KCNQ5: variants seen among roughly 807,000 people sequenced by gnomAD.
The protein encoded by KCNQ5 is potassium voltage-gated channel subfamily KQT member 5.
KCNQ5 carries 30 observed loss-of-function variants against 98.2 expected under a neutral mutation model. That is an observed-to-expected ratio of 0.31 (90% CI 0.23 to 0.41). The LOEUF is 0.41. Ranked by LOEUF, KCNQ5 falls within the 10% of genes least tolerant of loss-of-function variation. The pLI is 1.00. For missense variants in KCNQ5, 835 were observed against 1,182.5 expected (o/e 0.71, Z 4.31); for synonymous variants, 458 against 449.4 (o/e 1.02, Z -0.24).
chr6:72,707,887 A>T (rs1031903480), intron 1 of KCNQ5, among the ~76,000 whole-genome samples: 2 of 152,002 alleles, frequency 1.3e-5, no homozygotes, highest in Non-Finnish European at 2.9e-5. Flanking sequence ...TAATTTTTTT[A>T]TTTTGCAGGC....
chr6:72,986,865 G>T, intron 1 of KCNQ5: 2 of 932,932 alleles, frequency 2.1e-6, no homozygotes, highest in South Asian at 1.4e-5. Flanking sequence ...CAGAACCCTT[G>T]GTTCTGCGAG....
intron 1 of KCNQ5, among the ~76,000 whole-genome samples, chr6:72,922,590 C>G (rs1444571584): frequency 6.6e-6 from 1 of 152,030 alleles, no homozygotes; most frequent in African/African-American, 2.4e-5. Flanking sequence ...CCCTAGTAAC[C>G]ACAATTCTAC....
intron 1 of KCNQ5, among the ~76,000 whole-genome samples, chr6:72,682,614 C>T (rs1767761144): frequency 6.6e-6 from 1 of 152,166 alleles, no homozygotes; most frequent in Admixed American, 6.5e-5. Flanking sequence ...CCTCAAAGTA[C>T]TCCTCTTATA....
intron 11 of KCNQ5, among the ~76,000 whole-genome samples, chr6:73,189,510 TA>T (rs1264496895): frequency 6.6e-6 from 1 of 152,352 alleles, no homozygotes; most frequent in East Asian, 1.9e-4. Flanking sequence ...CATTTGTTCC[TA>T]ATCTTCCCAC....
intron 10 of KCNQ5, chr6:73,134,967 G>C (rs913545349): frequency 2.0e-4 from 31 of 152,264 alleles, no homozygotes; most frequent in Admixed American, 8.5e-4. Flanking sequence ...AGAGTTACCA[G>C]TGACAGGGCT....
At chr6:73,042,606 A>G (rs1771763762) in intron 3 of KCNQ5, among the ~76,000 whole-genome samples, 1 of 152,142 alleles carries the variant, frequency 6.6e-6, no homozygotes, top group African/African-American at 2.4e-5. Flanking sequence ...TGCATTGGTA[A>G]CTGTAGACTG....
At chr6:72,888,639 G>T (rs913556081) in intron 1 of KCNQ5, among the ~76,000 whole-genome samples, 5 of 152,108 alleles carry the variant, frequency 3.3e-5, no homozygotes, top group African/African-American at 1.2e-4. Flanking sequence ...TAGTGACAAC[G>T]ACTGTAAAAC....
chr6:72,677,449 C>T (rs1328778404), intron 1 of KCNQ5, among the ~76,000 whole-genome samples: 1 of 152,134 alleles, frequency 6.6e-6, no homozygotes, highest in East Asian at 1.9e-4. Flanking sequence ...ATACCATGAA[C>T]TTTTCTAAGT....
At chr6:72,904,861 C>A (rs1407982728) in intron 1 of KCNQ5, among the ~76,000 whole-genome samples, 2 of 152,176 alleles carry the variant, frequency 1.3e-5, no homozygotes, top group Non-Finnish European at 2.9e-5. Flanking sequence ...AGGCAATGAT[C>A]TTTTTGTGAT....
rs183190281 is a variant in KCNQ5 at position 73,172,261 on chromosome 6, A to G, written c.1577+2407A>G. ...TTCATCACTTCTAAATTCCATTTCA[A>G]ATTAACAGATTGTGTCGCTTGAACC... On this transcript the variant is annotated intron_variant, in intron 11 of 13. Transcript: ENST00000370398. 4.4e-3 allele frequency among the ~76,000 whole-genome samples: 669 copies of G among 152,226 alleles called. 4 individuals are homozygous for G. Among genetic ancestry groups the G allele is most frequent in the Middle Eastern group, 6.8e-3 (2 of 294 alleles).
chr6:72,646,516 GA>G (rs139425861), intron 1 of KCNQ5, among the ~76,000 whole-genome samples: 55 of 151,810 alleles, frequency 3.6e-4, no homozygotes, highest in Admixed American at 2.6e-4. Context: ...GGATTTGGGG[GA>G]AAAAAAAGCA....
chr6:72,836,460 G>T (rs1425223961), intron 1 of KCNQ5, among the ~76,000 whole-genome samples: 13 of 152,112 alleles, frequency 8.5e-5, no homozygotes, highest in African/African-American at 3.1e-4. Flanking sequence ...ATATATTTGA[G>T]ACAGGGTCAC....
chr6:72,766,542 T>G (rs10805966), intron 1 of KCNQ5, among the ~76,000 whole-genome samples: 6 of 151,668 alleles, frequency 4.0e-5, no homozygotes, highest in African/African-American at 7.3e-5. Flanking sequence ...AAGATGATGG[T>G]GGATTGGCCT....
chr6:72,776,481 T>G (rs1773167967), intron 1 of KCNQ5, among the ~76,000 whole-genome samples: 1 of 152,176 alleles, frequency 6.6e-6, no homozygotes, highest in Admixed American at 6.5e-5. Flanking sequence ...AAATAGGGAA[T>G]TTTTTTGTTA....
chr6:73,118,244 C>T (rs1232892534), intron 7 of KCNQ5, among the ~76,000 whole-genome samples: 3 of 152,154 alleles, frequency 2.0e-5, no homozygotes, highest in Non-Finnish European at 2.9e-5. Flanking sequence ...AATAGTTTTC[C>T]CTGGTTTTTG....
intron 1 of KCNQ5, among the ~76,000 whole-genome samples, chr6:72,995,676 G>A: frequency 6.6e-6 from 1 of 152,126 alleles, no homozygotes; most frequent in African/African-American, 2.4e-5. Context: ...GGAAGATAAG[G>A]GTAAAACATT....
At chr6:72,874,099 C>A (rs1443303043) in intron 1 of KCNQ5, among the ~76,000 whole-genome samples, 2 of 151,682 alleles carry the variant, frequency 1.3e-5, no homozygotes, top group Admixed American at 1.3e-4. Flanking sequence ...TTATGATATC[C>A]TTTAAGCATT....
intron 1 of KCNQ5, among the ~76,000 whole-genome samples, chr6:72,935,586 G>C (rs952517013): frequency 6.6e-6 from 1 of 152,044 alleles, no homozygotes; most frequent in Non-Finnish European, 1.5e-5. Flanking sequence ...ATTCTCACCA[G>C]CTTTTTGACA....
chr6:73,149,900 G>A (rs1171928060), intron 10 of KCNQ5, among the ~76,000 whole-genome samples: 3 of 151,236 alleles, frequency 2.0e-5, no homozygotes, highest in African/African-American at 7.3e-5. Flanking sequence ...CCTTTGCTCT[G>A]CAAATGAGAC....
Sources: allele counts gnomAD v4.1 joint callset (sites outside exome capture counted in the v4.1 genomes callset), GRCh38; gene constraint gnomAD v4.1.1; transcripts MANE v1.5; gene names NCBI Gene and HGNC (gene_info 2026-07-23, HGNC 2026-07-21).